SFXN5: variants seen among roughly 807,000 people sequenced by gnomAD.
SFXN5 encodes sideroflexin-5.
A neutral mutation model predicts 50.2 loss-of-function variants in SFXN5; 43 were observed. That is an observed-to-expected ratio of 0.86 (90% CI 0.67 to 1.11). The LOEUF is 1.11. SFXN5 is among the 50% of genes least tolerant of loss of function. SFXN5 has a pLI of 0.00. For synonymous variants in SFXN5, 203 were observed against 185.8 expected (o/e 1.09, Z -0.75); for missense variants, 463 against 454.1 (o/e 1.02, Z -0.18).
At chr2:73,038,966 G>A (rs376653046) in intron 3 of SFXN5, among the ~76,000 whole-genome samples, 2 of 152,046 alleles carry the variant, frequency 1.3e-5, no homozygotes, top group African/African-American at 2.4e-5. Flanking sequence ...TCACTCTGTC[G>A]CCCAGGCTGG....
chr2:73,022,746 C>T (rs1372301325), intron 4 of SFXN5, among the ~76,000 whole-genome samples, 170 bp from the exon 5 acceptor site: 1 of 152,076 alleles, frequency 6.6e-6, no homozygotes, highest in Non-Finnish European at 1.5e-5. Context: ...GCCTTGTGGC[C>T]AGTTAGGCCT....
chr2:73,006,532 G>T (rs929716022), intron 6 of SFXN5, among the ~76,000 whole-genome samples: 1 of 151,618 alleles, frequency 6.6e-6, no homozygotes, highest in African/African-American at 2.4e-5. Context: ...TGAGGCACAC[G>T]AACTGCTTAA....
chr2:73,052,354 GTA>G (rs60113835), intron 2 of SFXN5, among the ~76,000 whole-genome samples: 80 of 112,290 alleles, frequency 7.1e-4, no homozygotes, highest in African/African-American at 3.0e-3. Context: ...GTGTGTGTGT[GTA>G]TGCGTGTGTG....
Position 72,965,634 on chromosome 2 carries a change from T to A in SFXN5, c.827+2814A>T, listed in dbSNP as rs186107908. 2.6e-5 allele frequency among the ~76,000 whole-genome samples: 4 copies of A among 152,066 alleles called. No individual in the cohort carries two copies. In the East Asian group the frequency reaches 5.8e-4, roughly 22 times the overall value. ...GCCCATCTGTATGCTCCCCTAGAGG[T>A]TTGAGCGGCAGAGCCCGGAAGAAGC... On this transcript the variant is annotated intron_variant, in intron 12 of 13. Transcript: ENST00000272433.
chr2:72,948,550 C>A (rs1375674197), intron 13 of SFXN5, among the ~76,000 whole-genome samples: 1 of 152,218 alleles, frequency 6.6e-6, no homozygotes, highest in Non-Finnish European at 1.5e-5. Flanking sequence ...CACTGAGGCC[C>A]ACATTAAAAT....
Position 73,052,359 on chromosome 2 carries a change from CGTGTGTGT to C in SFXN5, c.171+6161_171+6168del, listed in dbSNP as rs59839344. Among the ~76,000 whole-genome samples the C allele has an allele frequency of 5.3e-3, 757 of 142,392 alleles. 8 individuals are homozygous for C. Among genetic ancestry groups the C allele is most frequent in the African/African-American group, 0.016 (645 of 39,298 alleles). 93.4% of individuals were successfully genotyped at this position (142,392 alleles called of 152,430 possible). A position where few individuals can be genotyped will look rare whatever the true frequency, so the allele number is the denominator to read the frequency against. On this transcript the variant is annotated intron_variant, in intron 2 of 13. Transcript: ENST00000272433. The stretch of plus-strand genomic sequence containing the variant: ...GAGAGAGTGTGTGTGTGTGTGTATG[CGTGTGTGT>C]GTGTGTGTGTGTGTGTGTGTGTGTG...
chr2:72,970,458 T>C (rs1675016741), intron 11 of SFXN5, among the ~76,000 whole-genome samples: 2 of 152,134 alleles, frequency 1.3e-5, no homozygotes, highest in African/African-American at 4.8e-5. Flanking sequence ...TAAAGTCTGA[T>C]TGAGAAGACC....
intron 6 of SFXN5, among the ~76,000 whole-genome samples, chr2:73,018,179 G>A (rs535963067): frequency 1.3e-5 from 2 of 151,444 alleles, no homozygotes; most frequent in East Asian, 3.9e-4. Flanking sequence ...CTGCACTCCA[G>A]CCTGGGTGAC....
chr2:73,022,624 AG>A (rs1249220241), intron 4 of SFXN5, 48 bp from the exon 5 acceptor site: 1 of 44,592 alleles, frequency 2.2e-5, no homozygotes, highest in African/African-American at 5.9e-4. Context: ...GGGTGTAGGG[AG>A]GGGGAAGGGG....
chr2:73,047,389 A>ATG (rs1225927526), intron 2 of SFXN5, among the ~76,000 whole-genome samples: 23 of 145,614 alleles, frequency 1.6e-4, no homozygotes, highest in African/African-American at 4.3e-4. Context: ...ATACATGTAT[A>ATG]TGTGTGTGTG....
At chr2:72,955,158 A>G (rs1038747850) in intron 13 of SFXN5, among the ~76,000 whole-genome samples, 1 of 152,172 alleles carries the variant, frequency 6.6e-6, no homozygotes, top group Non-Finnish European at 1.5e-5. Flanking sequence ...CCTTCTGTGG[A>G]CACATTTCAA....
chr2:73,021,591 T>C (rs1676894423), intron 5 of SFXN5, among the ~76,000 whole-genome samples: 1 of 152,180 alleles, frequency 6.6e-6, no homozygotes, highest in Admixed American at 6.5e-5. Context: ...CACATGTCCA[T>C]CAACTTCCTG....
intron 1 of SFXN5, among the ~76,000 whole-genome samples, chr2:73,067,450 G>C (rs947934917): frequency 4.6e-5 from 7 of 152,226 alleles, no homozygotes; most frequent in Non-Finnish European, 7.3e-5. Context: ...ACCAATGTTA[G>C]TTTCTTAGTT....
At chr2:73,001,698 C>T (rs1574081494) in intron 6 of SFXN5, 120 bp from the exon 7 acceptor site, 11 of 951,182 alleles carry the variant, frequency 1.2e-5, no homozygotes, top group South Asian at 4.4e-5. Flanking sequence ...TGTGGTATGC[C>T]GTGTACATAC....
intron 10 of SFXN5, among the ~76,000 whole-genome samples, chr2:72,979,373 C>A (rs928275087): frequency 4.4e-5 from 6 of 136,562 alleles, no homozygotes; most frequent in Admixed American, 3.5e-4. Context: ...GTGGCTCATG[C>A]CTGTAATCCC....
At chr2:73,047,912 A>G (rs972568715) in intron 2 of SFXN5, among the ~76,000 whole-genome samples, 1 of 152,234 alleles carries the variant, frequency 6.6e-6, no homozygotes, top group Non-Finnish European at 1.5e-5. Context: ...GAGGATATTT[A>G]TTGCAATATT....
chr2:73,022,716 G>T (rs992457014), intron 4 of SFXN5, 140 bp from the exon 5 acceptor site: 6 of 670,764 alleles, frequency 8.9e-6, no homozygotes, highest in African/African-American at 8.9e-5. Context: ...GGAAGATTCA[G>T]ATACCAGTGG....
chr2:72,947,670 G>A lies in SFXN5; in HGVS notation c.946-2571C>T, dbSNP rs537256194. Among the ~76,000 whole-genome samples the A allele has an allele frequency of 1.8e-4, 27 of 152,284 alleles. 1 individual carries two copies. In the South Asian group the frequency reaches 4.4e-3, roughly 25 times the overall value. On this transcript the variant is annotated intron_variant, in intron 13 of 13. Coordinates refer to ENST00000272433, the MANE Select transcript of SFXN5 (RefSeq NM_144579.3). ...AGTGTAGTGAGGACTAGAGCTGGTGGGCACAGTGGGAGAAGAGAGGACCCT... is the reference window on the plus strand; with the variant it reads ...AGTGTAGTGAGGACTAGAGCTGGTGAGCACAGTGGGAGAAGAGAGGACCCT...
In SFXN5 at chr2:72,944,716, C is replaced by A. The variant is rs1433059704; in HGVS notation, c.*306G>T. ...AAAGTATAAAAGGATTCTACTTCTA[C>A]CCCATGGGCACTCTACAATTTTTCA... is the stretch of plus-strand genomic sequence containing the variant. On this transcript the variant is annotated 3_prime_UTR_variant, in exon 14 of 14. Transcript: ENST00000272433. 3.0e-6 allele frequency: 1 copy of A among 329,336 alleles called. No homozygotes were observed. Among genetic ancestry groups the A allele is most frequent in the Non-Finnish European group, 5.5e-6 (1 of 180,752 alleles). The allele number at this position is 329,336 out of a possible 1,614,324, so 20.4% of individuals were successfully genotyped here.
Sources: allele counts gnomAD v4.1 joint callset (sites outside exome capture counted in the v4.1 genomes callset), GRCh38; gene constraint gnomAD v4.1.1; transcripts MANE v1.5; gene names NCBI Gene and HGNC (gene_info 2026-07-23, HGNC 2026-07-21).